Variants in C1orf141 observed in about 807,000 individuals in gnomAD.
The protein encoded by C1orf141 is uncharacterized protein C1orf141.
A neutral mutation model predicts 23.2 loss-of-function variants in C1orf141; 19 were observed. That is an observed-to-expected ratio of 0.82 (90% CI 0.57 to 1.20). The LOEUF (loss-of-function observed/expected upper bound fraction) is 1.20, where lower values mean the gene tolerates loss of function less well. Among genes scored for constraint, C1orf141 ranks in the 50% most tolerant of loss-of-function variants. The pLI is 0.00. For synonymous variants in C1orf141, 153 were observed against 154.6 expected (o/e 0.99, Z 0.08); for missense variants, 469 against 455.1 (o/e 1.03, Z -0.28).
intron 5 of C1orf141, among the ~76,000 whole-genome samples, chr1:67,097,376 A>G (rs1645705947): frequency 6.6e-6 from 1 of 152,216 alleles, no homozygotes; most frequent in Admixed American, 6.6e-5. Context: ...CTCTTTTAAG[A>G]GGGGATATTT....
chr1:67,095,108 C>T (rs1645644922), intron 7 of C1orf141, 127 bp downstream of exon 7: 1 of 590,960 alleles, frequency 1.7e-6, no homozygotes, highest in African/African-American at 1.9e-5. Flanking sequence ...GCTGTTATCA[C>T]TTTGGAATAT....
At position 67,125,800 on chromosome 1, in the gene C1orf141, A is replaced by C. The variant is rs1260539474; in HGVS notation, c.185T>G (p.Ile62Arg). The change falls in exon 4 of 8, where the codon ATA (isoleucine) becomes AGA (arginine). Residue 62 changes from isoleucine to arginine, a missense_variant. Physicochemically the swap from Ile to Arg is moderately conservative, Grantham distance 97. Coordinates refer to ENST00000684719, the MANE Select transcript of C1orf141 (RefSeq NM_001276351.2). ...EALATSASKAISKIKEDKSCS... is the reference protein window; with the variant it reads ...EALATSASKARSKIKEDKSCS... ...TGACTTGTCTTCTTTGATCTTTGATATTGCCTTAGACGCGGATGTAGCAAG... is the reference window on the plus strand; with the variant it reads ...TGACTTGTCTTCTTTGATCTTTGATCTTGCCTTAGACGCGGATGTAGCAAG... 1 of 1,613,986 alleles carries C rather than the reference A, an allele frequency of 6.2e-7. No homozygotes were observed. Among genetic ancestry groups the C allele is most frequent in the Non-Finnish European group, 8.5e-7 (1 of 1,179,902 alleles).
intron 5 of C1orf141, among the ~76,000 whole-genome samples, chr1:67,104,058 T>C (rs1363064565): frequency 1.3e-5 from 2 of 152,132 alleles, no homozygotes; most frequent in Non-Finnish European, 2.9e-5. Context: ...AAATAAGGTA[T>C]ATGACAAAAG....
chr1:67,114,055 A>C (rs1034264889), intron 5 of C1orf141, among the ~76,000 whole-genome samples: 9 of 152,306 alleles, frequency 5.9e-5, no homozygotes, highest in African/African-American at 2.2e-4. Flanking sequence ...ATAGAAAAAA[A>C]CAAAAAGCTG....
chr1:67,117,436 A>C (rs1202810239), intron 4 of C1orf141, among the ~76,000 whole-genome samples: 1 of 152,204 alleles, frequency 6.6e-6, no homozygotes, highest in Admixed American at 6.5e-5. Context: ...AGAAAAAAAA[A>C]ATTATTGAAT....
intron 5 of C1orf141, among the ~76,000 whole-genome samples, chr1:67,110,106 A>G (rs1382285903): frequency 6.6e-6 from 1 of 152,178 alleles, no homozygotes; most frequent in Non-Finnish European, 1.5e-5. Flanking sequence ...TAACCTACAA[A>G]CAACTTAATC....
chr1:67,139,375 T>A (rs1646613374), upstream of C1orf141, among the ~76,000 whole-genome samples: 2 of 152,206 alleles, frequency 1.3e-5, no homozygotes, highest in South Asian at 4.1e-4. Flanking sequence ...AGCAGGTACA[T>A]GAAACGTTCA....
rs532656418 is a variant in C1orf141, at chr1:67,105,468, A to G, written c.347-9147T>C. On this transcript the variant is annotated intron_variant, in intron 5 of 7. Transcript: ENST00000684719. ...GTAACATCTATCACCACAATTATTT[A>G]TAAATTTTTAGGGAGTGCCCAATAA... Among the ~76,000 whole-genome samples, 61 of 152,264 alleles carry G rather than the reference A, an allele frequency of 4.0e-4. No individual in the cohort carries two copies. The Middle Eastern group carries it at 0.01, about 25-fold the overall frequency.
At chr1:67,133,023 T>C (rs1646542714) in intron 1 of C1orf141, among the ~76,000 whole-genome samples, 1 of 152,200 alleles carries the variant, frequency 6.6e-6, no homozygotes, top group African/African-American at 2.4e-5. Context: ...TCAACAAAAA[T>C]TGTAGGTCAA....
At chr1:67,132,173 C>T (rs1253150351) in intron 1 of C1orf141, among the ~76,000 whole-genome samples, 1 of 152,014 alleles carries the variant, frequency 6.6e-6, no homozygotes, top group African/African-American at 2.4e-5. Context: ...CCTCCAGCCT[C>T]TCAGCCTCCT....
intron 5 of C1orf141, among the ~76,000 whole-genome samples, chr1:67,109,866 A>ACTGG (rs1646027647): frequency 6.6e-6 from 1 of 152,002 alleles, no homozygotes; most frequent in Admixed American, 6.6e-5. Context: ...AAGTGTACTG[A>ACTGG]ACAGTTAAGG....
chr1:67,110,486 T>C (rs916081501), intron 5 of C1orf141, among the ~76,000 whole-genome samples: 6 of 152,170 alleles, frequency 3.9e-5, no homozygotes, highest in Admixed American at 2.6e-4. Flanking sequence ...TTTAGAAATA[T>C]GGAGTTAATC....
At chr1:67,095,601 A>G (rs1476556129) in intron 6 of C1orf141, 180 bp from the exon 7 acceptor site, 6 of 494,404 alleles carry the variant, frequency 1.2e-5, no homozygotes, top group Middle Eastern at 5.1e-4. Context: ...AAACAGCAAG[A>G]GTAGGAGTGG....
Position 67,093,340 on chromosome 1 carries a change from G to A in C1orf141, c.868C>T (p.His290Tyr). The A allele has an allele frequency of 6.2e-7, 1 of 1,613,812 alleles. No individual in the cohort carries two copies. Residue 290 changes from histidine to tyrosine, a missense_variant, in exon 8 of 8, where the codon CAC becomes TAC. Physicochemically the swap from His to Tyr is moderately conservative, Grantham distance 83. Transcript: ENST00000684719. ...TTTAGTTTATCATCTACAGTTGTGTGGCCCGCTTTAAAAGACATAGGGATC... is the reference window on the plus strand; with the variant it reads ...TTTAGTTTATCATCTACAGTTGTGTAGCCCGCTTTAAAAGACATAGGGATC... ...IQIPMSFKAG[H>Y]TTVDDKLKKK...
intron 5 of C1orf141, among the ~76,000 whole-genome samples, chr1:67,114,199 A>C (rs4655516): frequency 0.88 from 133,955 of 152,090 alleles, 59,168 homozygotes; most frequent in East Asian, 0.97. Flanking sequence ...AATAGTTAAG[A>C]TTGCCACCTG....
At chr1:67,141,137 A>C (rs1646633227) in intron 1 of C1orf141, among the ~76,000 whole-genome samples, 1 of 152,208 alleles carries the variant, frequency 6.6e-6, no homozygotes, top group Admixed American at 6.5e-5. Flanking sequence ...AAGATTAGAA[A>C]GCTTTATACA....
intron 2 of C1orf141, among the ~76,000 whole-genome samples, chr1:67,130,347 T>C (rs1432276799): frequency 6.6e-6 from 1 of 152,204 alleles, no homozygotes; most frequent in Non-Finnish European, 1.5e-5. Flanking sequence ...TGAATGAGTT[T>C]CCCAGTTTGG....
intron 4 of C1orf141, among the ~76,000 whole-genome samples, chr1:67,121,344 T>C (rs1646295447): frequency 6.6e-6 from 1 of 152,254 alleles, no homozygotes; most frequent in African/African-American, 2.4e-5. Context: ...TTAAGTTTAA[T>C]CTTCATCATT....
In C1orf141 at chr1:67,125,813, C is replaced by T. The variant is rs138772240; in HGVS notation, c.172G>A (p.Ala58Thr). The T allele has an allele frequency of 3.9e-4, 635 of 1,613,198 alleles. 1 individual carries two copies. In the African/African-American group the frequency reaches 6.0e-3, roughly 15 times the overall value. ...LEFEEALATS[A>T]SKAISKIKED... ...TTGATCTTTGATATTGCCTTAGACGCGGATGTAGCAAGAGCTTCTTCAAAT... is the reference window on the plus strand; with the variant it reads ...TTGATCTTTGATATTGCCTTAGACGTGGATGTAGCAAGAGCTTCTTCAAAT... The change falls in exon 4 of 8, where the codon GCG becomes ACG. Residue 58 changes from alanine (A) to threonine (T), a missense_variant. Transcript: ENST00000684719.
Sources: gnomAD v4.1 joint callset for allele counts (sites outside exome capture counted in the v4.1 genomes callset) on GRCh38, gnomAD v4.1.1 for gene constraint, MANE v1.5 for transcripts, NCBI Gene and HGNC (gene_info 2026-07-23, HGNC 2026-07-21) for gene names.